Variants in RNF14 observed in about 807,000 individuals in gnomAD.
RNF14 encodes ring finger protein 14.
RNF14 carries 26 observed loss-of-function variants against 52.6 expected under a neutral mutation model. The ratio of observed to expected loss-of-function variants is 0.49; its 90% CI spans 0.36 to 0.69. RNF14 has a LOEUF of 0.69. Among genes scored for constraint, RNF14 ranks in the 30% least tolerant of loss-of-function variants. The pLI, the probability that RNF14 is intolerant of heterozygous loss-of-function variation, is 0.00. For missense variants in RNF14, 404 were observed against 560.4 expected (o/e 0.72, Z 2.82); for synonymous variants, 194 against 202.0 (o/e 0.96, Z 0.34).
At chr5:141,950,817 A>G in the RNF14 span, among the ~76,000 whole-genome samples, 1 of 152,178 alleles carries the variant, frequency 6.6e-6, no homozygotes, top group Non-Finnish European at 1.5e-5. Context: ...AGGAGTTAGC[A>G]TTGTGTGTGC....
At chr5:141,971,400 C>A (rs569680395) in intron 2 of RNF14, among the ~76,000 whole-genome samples, 1 of 151,992 alleles carries the variant, frequency 6.6e-6, no homozygotes, top group African/African-American at 2.4e-5. Context: ...CACCACCACA[C>A]CTGGCTAATT....
chr5:141,966,193 A>T (rs1418258458), upstream of RNF14, among the ~76,000 whole-genome samples: 3 of 152,052 alleles, frequency 2.0e-5, no homozygotes, highest in African/African-American at 7.2e-5. Context: ...AGGCACGAGA[A>T]TCGCTTGAAC....
In RNF14 at chr5:141,980,189, G is replaced by A; in HGVS notation, c.901G>A (p.Asp301Asn). Residue 301 changes from aspartate (D) to asparagine (N), a missense_variant, in exon 6 of 9, where the codon GAC becomes AAC. Coordinates refer to ENST00000394520, the MANE Select transcript of RNF14 (RefSeq NM_004290.5). ...CCGCCTTCTCCTCCAGTCCTCCTTGGACCTGATGGCAGATGTGGTGTACTG... is the reference window on the plus strand; with the variant it reads ...CCGCCTTCTCCTCCAGTCCTCCTTGAACCTGATGGCAGATGTGGTGTACTG... Reference protein sequence around the residue: ...YDRLLLQSSLDLMADVVYCPR... With the variant: ...YDRLLLQSSLNLMADVVYCPR... 6.2e-7 allele frequency: 1 copy of A among 1,614,188 alleles called. No individual in the cohort carries two copies. The highest frequency in any genetic ancestry group is 8.5e-7 in the Non-Finnish European group (1 of 1,180,040).
At chr5:141,984,435 A>G (rs1349043610) in intron 7 of RNF14, among the ~76,000 whole-genome samples, 1 of 152,162 alleles carries the variant, frequency 6.6e-6, no homozygotes, top group Non-Finnish European at 1.5e-5. Flanking sequence ...CCTATGACAG[A>G]GTGGAGGACT....
Position 141,978,423 on chromosome 5 carries a change from C to A in RNF14, c.427C>A (p.Pro143Thr). 6.2e-7 allele frequency: 1 copy of A among 1,614,196 alleles called. No individual in the cohort carries two copies. The highest frequency in any genetic ancestry group is 1.1e-5 in the South Asian group (1 of 91,082). The change falls in exon 5 of 9, where the codon CCT becomes ACT. Residue 143 changes from proline (P) to threonine (T), a missense_variant. By Grantham distance (38) the Pro-to-Thr change is conservative. Coordinates refer to ENST00000394520, the MANE Select transcript of RNF14 (RefSeq NM_004290.5). ...CCTAGCATACTTGAATATTGTCTCTCCTTTTGAGCTCAAGATTGGTTCTCA... is the reference window on the plus strand; with the variant it reads ...CCTAGCATACTTGAATATTGTCTCTACTTTTGAGCTCAAGATTGGTTCTCA... ...ETLAYLNIVSPFELKIGSQKK... is the reference protein window; with the variant it reads ...ETLAYLNIVSTFELKIGSQKK...
At chr5:141,957,859 G>A (rs781466478), upstream of RNF14, 5 of 1,592,850 alleles carry the variant, frequency 3.1e-6, no homozygotes, top group African/African-American at 4.0e-5. This position sits in a 1 kb window ranked among gnomAD's most constrained non-coding sequence, Gnocchi z 4.3. Flanking sequence ...CATGCTTACC[G>A]CCAAGTGGGC....
At chr5:141,975,794 G>A (rs527962267) in intron 4 of RNF14, among the ~76,000 whole-genome samples, 2 of 152,110 alleles carry the variant, frequency 1.3e-5, no homozygotes, top group East Asian at 1.9e-4. Context: ...GTGTGGTGGT[G>A]CGTCCCTGTA....
the RNF14 span, among the ~76,000 whole-genome samples, chr5:141,950,874 A>T: frequency 3.3e-5 from 5 of 152,148 alleles, 1 homozygote; most frequent in Admixed American, 6.5e-5. Context: ...AATACAATTG[A>T]TTATGAAATC....
chr5:141,954,868 G>T, upstream of RNF14: 1 of 1,417,332 alleles, frequency 7.1e-7, no homozygotes. Context: ...TGCCAGGTGA[G>T]CCTAAGGAAG....
chr5:141,977,178 A>G (rs1754345024), intron 4 of RNF14, among the ~76,000 whole-genome samples: 1 of 152,252 alleles, frequency 6.6e-6, no homozygotes. Context: ...CACAGCACTC[A>G]TAGCTTCCCT....
At chr5:141,961,365 A>C (rs755636223) in intron 1 of RNF14, among the ~76,000 whole-genome samples, 4 of 152,118 alleles carry the variant, frequency 2.6e-5, no homozygotes, top group Non-Finnish European at 5.9e-5. Context: ...TTGAGATTTC[A>C]AAGCTGGCAA....
chr5:141,967,156 G>T (rs1753370968), upstream of RNF14, among the ~76,000 whole-genome samples: 1 of 152,164 alleles, frequency 6.6e-6, no homozygotes, highest in African/African-American at 2.4e-5. Context: ...TCCCTTGGGT[G>T]CCCTGATTTA....
intron 1 of RNF14, among the ~76,000 whole-genome samples, chr5:141,970,042 TATCTC>T (rs1400873287): frequency 1.3e-5 from 2 of 152,210 alleles, no homozygotes; most frequent in African/African-American, 4.8e-5. Context: ...ATCTCATTCT[TATCTC>T]ATTTGGGAGT....
At chr5:141,972,744 C>T (rs1561545606) in intron 2 of RNF14, among the ~76,000 whole-genome samples, 1 of 152,184 alleles carries the variant, frequency 6.6e-6, no homozygotes, top group East Asian at 1.9e-4. Flanking sequence ...GGGTGAGCCA[C>T]CACACCCAGC....
chr5:141,966,437 C>G (rs898415369), upstream of RNF14, among the ~76,000 whole-genome samples: 1 of 152,044 alleles, frequency 6.6e-6, no homozygotes, highest in African/African-American at 2.4e-5. Flanking sequence ...AAAAACAAAT[C>G]TTAGTGCCTC....
upstream of RNF14, chr5:141,957,510 C>A: frequency 1.2e-6 from 2 of 1,614,132 alleles, no homozygotes; most frequent in African/African-American, 2.7e-5. The surrounding 1 kb of genome is among the most constrained non-coding windows in gnomAD (Gnocchi z 4.3). Flanking sequence ...GAGCCAAATC[C>A]CCTGTGGCAA....
chr5:141,986,919 A>G (rs919229143), intron 8 of RNF14, among the ~76,000 whole-genome samples: 1 of 152,246 alleles, frequency 6.6e-6, no homozygotes, highest in African/African-American at 2.4e-5. Context: ...TGGCATTAGC[A>G]TGATCTCTGG....
At chr5:141,957,390 G>C, upstream of RNF14, 3 of 1,613,694 alleles carry the variant, frequency 1.9e-6, no homozygotes, top group South Asian at 2.2e-5. The surrounding 1 kb of genome is among the most constrained non-coding windows in gnomAD (Gnocchi z 4.3). Flanking sequence ...TGTCCAGGGG[G>C]ATCCGGGTTC....
At position 141,978,847 on chromosome 5, in the gene RNF14, C is replaced by T. The variant is rs1561552216; in HGVS notation, c.834+17C>T. ...CCTGGTCAGGTAACTGTTTACCCTG[C>T]TGATGGTTGCCTCCTAATTCTCTTC... On this transcript the variant is annotated intron_variant, in intron 5 of 8. Coordinates refer to ENST00000394520, the MANE Select transcript of RNF14 (RefSeq NM_004290.5). The T allele has an allele frequency of 1.9e-6, 3 of 1,606,248 alleles. No homozygotes were observed. The highest frequency in any genetic ancestry group is 1.3e-5 in the African/African-American group (1 of 74,874).
Sources: gnomAD v4.1 joint callset for allele counts (sites outside exome capture counted in the v4.1 genomes callset) on GRCh38, gnomAD v4.1.1 for gene constraint, Gnocchi (gnomAD v3.1) non-coding constraint, MANE v1.5 for transcripts, NCBI Gene and HGNC (gene_info 2026-07-23, HGNC 2026-07-21) for gene names.